EVC2: variants seen among roughly 807,000 people sequenced by gnomAD.
EVC2 encodes the protein limbin.
EVC2 carries 148 observed loss-of-function variants against 149.3 expected under a neutral mutation model. The observed-to-expected ratio is 0.99, with a 90% confidence interval of 0.87 to 1.14. The LOEUF (loss-of-function observed/expected upper bound fraction) is 1.14. EVC2 is among the 50% of genes most tolerant of loss of function. The probability of loss-of-function intolerance (pLI) is 0.00; values close to 1 mark genes in which losing one functional copy is unlikely to be tolerated. For missense variants in EVC2, 1,854 were observed against 1,627.3 expected, an observed-to-expected ratio of 1.14 and a Z score of -2.40; for synonymous variants, 776 against 649.9, an observed-to-expected ratio of 1.19 and a Z score of -2.95.
At chr4:5,539,416 G>A (rs1427327112), downstream of EVC2, among the ~76,000 whole-genome samples, 1 of 152,084 alleles carries the variant, frequency 6.6e-6, no homozygotes, top group Admixed American at 6.5e-5. Context: ...GGATATTTTG[G>A]TCAGAATTGA....
Position 5,567,751 on chromosome 4 carries a change from C to T in EVC2, c.3557+693G>A, listed in dbSNP as rs996907712. On this transcript the variant is annotated intron_variant, in intron 20 of 21. Transcript: ENST00000344408. The surrounding 1 kb of genome is among the most constrained non-coding windows in gnomAD (Gnocchi z 4.4). Reference sequence around the variant, plus strand: ...TGGGCCCAAACTGAATGTCAAGTGACGGGATGACAGTTACATGCTCTATGC... The same window carrying T: ...TGGGCCCAAACTGAATGTCAAGTGATGGGATGACAGTTACATGCTCTATGC... Among the ~76,000 whole-genome samples, 1 of 152,068 alleles carries T rather than the reference C, an allele frequency of 6.6e-6. No homozygotes were observed. Among genetic ancestry groups the T allele is most frequent in the African/African-American group, 2.4e-5 (1 of 41,424 alleles).
intron 10 of EVC2, among the ~76,000 whole-genome samples, chr4:5,638,615 A>C (rs1440675544): frequency 5.3e-5 from 8 of 152,156 alleles, no homozygotes; most frequent in African/African-American, 1.9e-4. Context: ...CCACCCCCCA[A>C]AAAAGATATG....
chr4:5,665,949 A>G (rs1216584848), intron 7 of EVC2, among the ~76,000 whole-genome samples: 1 of 152,184 alleles, frequency 6.6e-6, no homozygotes. Context: ...TTAAGTTTCC[A>G]AATCAAAAAC....
rs1215775221 is a variant in EVC2 at position 5,576,376 on chromosome 4, T to A, written c.3136A>T (p.Ser1046Cys). The A allele has an allele frequency of 1.2e-6, 2 of 1,614,070 alleles. No homozygotes were observed. The change falls in exon 18 of 22, where the codon AGC (serine) becomes TGC (cysteine). Residue 1046 changes from serine to cysteine, a missense_variant. Coordinates refer to ENST00000344408, the MANE Select transcript of EVC2 (RefSeq NM_147127.5). This position sits in a 1 kb window ranked among gnomAD's most constrained non-coding sequence, Gnocchi z 4.5. ...EAAQQQQALA[S>C]WQQWVADGPG... Reference sequence around the variant, plus strand: ...CCATCGGCCACCCACTGCTGCCAGCTCGCCAGGGCCTGCTGCTGCTGGGCT... The same window carrying A: ...CCATCGGCCACCCACTGCTGCCAGCACGCCAGGGCCTGCTGCTGCTGGGCT...
the EVC2 span, among the ~76,000 whole-genome samples, chr4:5,536,590 T>TCC: frequency 2.0e-5 from 3 of 151,914 alleles, no homozygotes; most frequent in South Asian, 6.2e-4. Flanking sequence ...CGAGACCATC[T>TCC]TGGCTAACAT....
At chr4:5,666,538 T>C (rs1195343116) in intron 7 of EVC2, among the ~76,000 whole-genome samples, 1 of 152,208 alleles carries the variant, frequency 6.6e-6, no homozygotes, top group African/African-American at 2.4e-5. Context: ...GCCTATCTTT[T>C]TTCTTCCTAG....
chr4:5,568,533 C>T lies in EVC2; in HGVS notation c.3468G>A (p.Leu1156=), dbSNP rs201460514. Residue 1156 remains leucine (L), a synonymous_variant, in exon 20 of 22, where the codon CTG becomes CTA. Coordinates refer to ENST00000344408, the MANE Select transcript of EVC2 (RefSeq NM_147127.5). Reference sequence around the variant, plus strand: ...TCTCGGTGGCCGAATCCAGCAGGGCCAGCAGCTGAGGCTGTGAGGCTGTGG... The same window carrying T: ...TCTCGGTGGCCGAATCCAGCAGGGCTAGCAGCTGAGGCTGTGAGGCTGTGG... ...VLPTASQPQL[L]ALLDSATERH... is the part of the protein sequence containing the mutation. 460 of 1,595,848 alleles carry T rather than the reference C, an allele frequency of 2.9e-4. 1 individual carries two copies. Among genetic ancestry groups the T allele is most frequent in the Admixed American group, 1.6e-3 (93 of 58,730 alleles).
chr4:5,595,199 A>T (rs1713269934), intron 16 of EVC2, among the ~76,000 whole-genome samples: 1 of 152,288 alleles, frequency 6.6e-6, no homozygotes, highest in Middle Eastern at 3.4e-3. Flanking sequence ...CAACATTCAG[A>T]TTCAGGAAAT....
intron 9 of EVC2, among the ~76,000 whole-genome samples, chr4:5,650,638 T>TATATATATAGAGAGAGAG (rs1162935817): frequency 8.9e-5 from 4 of 45,086 alleles, no homozygotes; most frequent in Non-Finnish European, 1.6e-4. Flanking sequence ...TATATATATA[T>TATATATATAGAGAGAGAG]AGAGAGAGAG....
chr4:5,562,395 A>T, downstream of EVC2: 2 of 944,130 alleles, frequency 2.1e-6, no homozygotes, highest in African/African-American at 3.5e-5. The surrounding 1 kb of genome is among the most constrained non-coding windows in gnomAD (Gnocchi z 4.3). Context: ...ATTTCAAATA[A>T]ATGCTTCCTA....
At chr4:5,533,217 G>A in the EVC2 span, among the ~76,000 whole-genome samples, 1 of 152,076 alleles carries the variant, frequency 6.6e-6, no homozygotes, top group African/African-American at 2.4e-5. Context: ...GTGGGGTTGC[G>A]ATTTTTAATA....
chr4:5,549,171 T>C (rs768075610), intron 21 of EVC2, among the ~76,000 whole-genome samples: 1 of 152,246 alleles, frequency 6.6e-6, no homozygotes, highest in South Asian at 2.1e-4. Flanking sequence ...TATATTAAGA[T>C]ATATTGTTAT....
At chr4:5,641,949 C>G (rs1189775376) in intron 9 of EVC2, among the ~76,000 whole-genome samples, 1 of 152,036 alleles carries the variant, frequency 6.6e-6, no homozygotes, top group Non-Finnish European at 1.5e-5. Flanking sequence ...TGCCTCTTAC[C>G]CCCTGACAGG....
chr4:5,707,654 G>A (rs1012031898), intron 1 of EVC2, among the ~76,000 whole-genome samples: 11 of 152,098 alleles, frequency 7.2e-5, no homozygotes, highest in South Asian at 6.2e-4. Flanking sequence ...AGTGAGGAGG[G>A]GCAGACATCC....
intron 19 of EVC2, among the ~76,000 whole-genome samples, chr4:5,570,602 C>T (rs1309778535): frequency 6.6e-6 from 1 of 152,146 alleles, no homozygotes; most frequent in Admixed American, 6.5e-5. Context: ...CCTTAAAGAA[C>T]TAAAAGTAGA....
At chr4:5,596,323 A>G (rs925419499) in intron 16 of EVC2, among the ~76,000 whole-genome samples, 1 of 152,214 alleles carries the variant, frequency 6.6e-6, no homozygotes, top group African/African-American at 2.4e-5. Context: ...TTGGAAGTAA[A>G]GCTCTCCTCA....
At chr4:5,602,144 T>C (rs1311825959) in intron 16 of EVC2, among the ~76,000 whole-genome samples, 1 of 151,596 alleles carries the variant, frequency 6.6e-6, no homozygotes, top group African/African-American at 2.4e-5. Context: ...TTTTAAAAAT[T>C]AGTAGGGTAG....
downstream of EVC2, among the ~76,000 whole-genome samples, chr4:5,558,603 A>G (rs999219154): frequency 6.6e-6 from 1 of 152,230 alleles, no homozygotes; most frequent in Admixed American, 6.5e-5. Flanking sequence ...AAATCCAGAG[A>G]ATTCCAGGAA....
At chr4:5,691,394 TA>T in intron 3 of EVC2, 61 bp from the exon 4 acceptor site, 1 of 1,375,320 alleles carries the variant, frequency 7.3e-7, no homozygotes, top group Non-Finnish European at 1.0e-6. Context: ...ACATATTTAA[TA>T]AAAGTACAAG....
Sources: allele counts gnomAD v4.1 joint callset (sites outside exome capture counted in the v4.1 genomes callset), GRCh38; gene constraint gnomAD v4.1.1; non-coding constraint Gnocchi (gnomAD v3.1); transcripts MANE v1.5; gene names NCBI Gene and HGNC (gene_info 2026-07-23, HGNC 2026-07-21).